The following CACNA2D3 variants were observed in gnomAD, a reference collection of about 807,000 sequenced individuals.
CACNA2D3 encodes voltage-dependent calcium channel subunit alpha-2/delta-3.
A neutral mutation model predicts 160.6 loss-of-function variants in CACNA2D3; 60 were observed. The observed-to-expected ratio is 0.37, with a 90% CI of 0.30 to 0.46. CACNA2D3 has a LOEUF of 0.46. CACNA2D3 is among the 20% of genes least tolerant of loss of function. The pLI, the probability that CACNA2D3 is intolerant of heterozygous loss-of-function variation, is 1.00. For missense variants in CACNA2D3, 1,205 were observed against 1,365.0 expected (o/e 0.88, Z 1.85); for synonymous variants, 558 against 492.9 (o/e 1.13, Z -1.75).
rs1344413870 is a variant in CACNA2D3 at position 54,809,334 on chromosome 3, C to T, written c.1381-7519C>T. ...TTCTTTTTTTTTTTTTTTTTTGAGA[C>T]GGAGTCTCGCTCTGTCGCCCAGGTC... On this transcript the variant is annotated intron_variant, in intron 13 of 37. Coordinates refer to ENST00000474759, the MANE Select transcript of CACNA2D3 (RefSeq NM_018398.3). Among the ~76,000 whole-genome samples the T allele has an allele frequency of 5.6e-4, 23 of 41,424 alleles. 1 individual carries two copies. The highest frequency in any genetic ancestry group is 3.7e-3 in the African/African-American group (16 of 4,370). The allele number at this position is 41,424 out of a possible 152,430, so 27.2% of individuals were successfully genotyped here. A position where few individuals can be genotyped will look rare whatever the true frequency, so the allele number is the denominator to read the frequency against.
intron 4 of CACNA2D3, among the ~76,000 whole-genome samples, chr3:54,468,388 G>A (rs1191963342): frequency 6.6e-6 from 1 of 152,202 alleles, no homozygotes; most frequent in Admixed American, 6.5e-5. Context: ...GTGAGGAATG[G>A]TGCATTCCAG....
chr3:54,576,788 A>G (rs947445399), intron 8 of CACNA2D3, among the ~76,000 whole-genome samples: 2 of 152,130 alleles, frequency 1.3e-5, no homozygotes, highest in Non-Finnish European at 2.9e-5. Flanking sequence ...TAATCCTAGT[A>G]CTTGGGAGGC....
intron 14 of CACNA2D3, among the ~76,000 whole-genome samples, chr3:54,818,686 A>G (rs1281172020): frequency 1.3e-5 from 2 of 152,166 alleles, no homozygotes; most frequent in African/African-American, 4.8e-5. Context: ...CTGGCTTCCT[A>G]ATTTTTTTCC....
intron 11 of CACNA2D3, among the ~76,000 whole-genome samples, chr3:54,688,979 C>CAAAAAAAAA (rs1162900126): frequency 3.2e-5 from 1 of 31,440 alleles, no homozygotes; most frequent in Non-Finnish European, 5.6e-5. Context: ...GAGACTGTCT[C>CAAAAAAAAA]AAAAAAAAAA....
chr3:54,800,918 C>G (rs1192908801), intron 13 of CACNA2D3, among the ~76,000 whole-genome samples: 1 of 151,966 alleles, frequency 6.6e-6, no homozygotes, highest in East Asian at 1.9e-4. Flanking sequence ...ATTCTCTATG[C>G]CTTTAACTCA....
chr3:54,196,904 G>A (rs1016999803), intron 2 of CACNA2D3, among the ~76,000 whole-genome samples: 1 of 152,132 alleles, frequency 6.6e-6, no homozygotes, highest in African/African-American at 2.4e-5. Flanking sequence ...TGCCAGACAT[G>A]ATTATGGTAA....
At chr3:54,401,633 A>G (rs1699466971) in intron 4 of CACNA2D3, among the ~76,000 whole-genome samples, 1 of 152,230 alleles carries the variant, frequency 6.6e-6, no homozygotes, top group Non-Finnish European at 1.5e-5. Context: ...ATGTCAGCCA[A>G]GAATACTATA....
chr3:54,424,310 T>C (rs1699881806), intron 4 of CACNA2D3, among the ~76,000 whole-genome samples: 2 of 152,134 alleles, frequency 1.3e-5, no homozygotes, highest in African/African-American at 4.8e-5. Flanking sequence ...GAGGAGAAGC[T>C]CCTAGCTCCT....
chr3:54,411,933 T>C (rs1156636255), intron 4 of CACNA2D3, among the ~76,000 whole-genome samples: 1 of 152,210 alleles, frequency 6.6e-6, no homozygotes. Flanking sequence ...TACAGTACAA[T>C]GTGTAGGTCG....
intron 13 of CACNA2D3, among the ~76,000 whole-genome samples, chr3:54,786,245 C>T (rs1439000661): frequency 1.3e-5 from 2 of 152,122 alleles, no homozygotes; most frequent in Non-Finnish European, 2.9e-5. Context: ...AAAATAAAGT[C>T]TGGGTCACTA....
intron 13 of CACNA2D3, among the ~76,000 whole-genome samples, chr3:54,815,134 C>A (rs1461664913): frequency 6.6e-6 from 1 of 152,038 alleles, no homozygotes; most frequent in Non-Finnish European, 1.5e-5. Context: ...TTTTTCTGAA[C>A]TCTTGAAAAG....
intron 18 of CACNA2D3, among the ~76,000 whole-genome samples, chr3:54,873,841 C>G (rs535822466): frequency 6.6e-6 from 1 of 152,342 alleles, no homozygotes; most frequent in South Asian, 2.1e-4. Context: ...ACCACCATTT[C>G]TCTCCTGGGG....
intron 4 of CACNA2D3, among the ~76,000 whole-genome samples, chr3:54,441,338 G>GT: frequency 6.6e-6 from 1 of 152,164 alleles, no homozygotes; most frequent in East Asian, 1.9e-4. Context: ...GGGGTTGTTT[G>GT]TTTTTTTCTT....
At chr3:54,493,970 C>G (rs1298431592) in intron 4 of CACNA2D3, among the ~76,000 whole-genome samples, 2 of 152,218 alleles carry the variant, frequency 1.3e-5, no homozygotes, top group African/African-American at 2.4e-5. Context: ...TAAATACTTA[C>G]TCATTGAACC....
intron 2 of CACNA2D3, among the ~76,000 whole-genome samples, chr3:54,214,520 A>T (rs1330076133): frequency 6.6e-6 from 1 of 152,140 alleles, no homozygotes; most frequent in East Asian, 1.9e-4. Context: ...AGGTAGGTTG[A>T]AGAATTGAGT....
At chr3:54,721,603 A>G (rs1358991951) in intron 11 of CACNA2D3, among the ~76,000 whole-genome samples, 1 of 152,006 alleles carries the variant, frequency 6.6e-6, no homozygotes, top group Non-Finnish European at 1.5e-5. Flanking sequence ...TCTACTAAAA[A>G]TACAAAAATT....
rs182392890 is a variant in CACNA2D3 at position 54,580,124 on chromosome 3, C to G, written c.889-1679C>G. Among the ~76,000 whole-genome samples the G allele has an allele frequency of 4.0e-3, 607 of 152,096 alleles. 4 individuals carry two copies. Among genetic ancestry groups the G allele is most frequent in the Non-Finnish European group, 6.9e-3 (472 of 67,992 alleles). On this transcript the variant is annotated intron_variant, in intron 8 of 37. Coordinates refer to ENST00000474759, the MANE Select transcript of CACNA2D3 (RefSeq NM_018398.3). ...TACTCTCTGGTGTCTTTGGGCAAGT[C>G]GATCATTTTTGCCGTGCCTCAGTTT...
At chr3:54,642,051 T>A (rs1308083781) in intron 10 of CACNA2D3, 77 bp from the exon 11 acceptor site, 1 of 844,106 alleles carries the variant, frequency 1.2e-6, no homozygotes, top group Non-Finnish European at 1.8e-6. Context: ...TAGTCCCAGG[T>A]CTCATGTCTC....
intron 13 of CACNA2D3, among the ~76,000 whole-genome samples, chr3:54,764,822 A>T (rs981452360): frequency 2.6e-5 from 4 of 152,214 alleles, no homozygotes; most frequent in African/African-American, 9.6e-5. Context: ...AAGTGAGAAT[A>T]TGCTTGAATG....
Sources: allele counts gnomAD v4.1 joint callset (sites outside exome capture counted in the v4.1 genomes callset), GRCh38; gene constraint gnomAD v4.1.1; transcripts MANE v1.5; gene names NCBI Gene and HGNC (gene_info 2026-07-23, HGNC 2026-07-21).